The following SLC31A1 variants were observed in gnomAD, a reference collection of about 807,000 sequenced individuals.
The protein encoded by SLC31A1 is high affinity copper uptake protein 1.
Under a neutral mutation model 17.2 loss-of-function variants are expected in SLC31A1, and 5 were observed. That is an observed-to-expected ratio of 0.29 (90% CI 0.15 to 0.61). SLC31A1 has a LOEUF of 0.61. Among genes scored for constraint, SLC31A1 ranks in the 20% least tolerant of loss-of-function variants. SLC31A1 has a pLI of 0.86. For missense variants in SLC31A1, 161 were observed against 241.4 expected (o/e 0.67, Z 2.21); for synonymous variants, 76 against 78.8 (o/e 0.96, Z 0.19).
chr9:113,248,201 G>A (rs943009479), intron 1 of SLC31A1, among the ~76,000 whole-genome samples: 2 of 151,988 alleles, frequency 1.3e-5, no homozygotes, highest in South Asian at 4.1e-4. Flanking sequence ...GTGTGCACCT[G>A]TAGTCCCGGC....
intron 1 of SLC31A1, among the ~76,000 whole-genome samples, chr9:113,234,876 G>A (rs2118990060): frequency 6.6e-6 from 1 of 152,298 alleles, no homozygotes; most frequent in Admixed American, 6.5e-5. Context: ...ACTGTTGTGA[G>A]ATTTTTATCC....
chr9:113,225,604 C>G (rs1831331291), intron 1 of SLC31A1, among the ~76,000 whole-genome samples: 1 of 152,132 alleles, frequency 6.6e-6, no homozygotes, highest in Non-Finnish European at 1.5e-5. Context: ...ATTATAATCT[C>G]AATTTTGAAT....
At chr9:113,257,242 A>G in intron 3 of SLC31A1, 57 bp downstream of exon 3, 1 of 1,426,724 alleles carries the variant, frequency 7.0e-7, no homozygotes, top group Non-Finnish European at 9.9e-7. Flanking sequence ...GACAGTGACA[A>G]ATAATTTGGA....
chr9:113,256,842 C>T lies in SLC31A1; in HGVS notation c.130-271C>T, dbSNP rs1285748922. ...CGCCACTGCATTCCAGCCTGGGCTA[C>T]AGAGCGAGAATCCGTATCAAAAAAA... On this transcript the variant is annotated intron_variant, in intron 2 of 4. Transcript: ENST00000374212. Among the ~76,000 whole-genome samples, 6 of 137,806 alleles carry T rather than the reference C, an allele frequency of 4.4e-5. No individual in the cohort carries two copies. In the South Asian group the frequency reaches 9.3e-4, roughly 21 times the overall value. 90.4% of individuals were successfully genotyped at this position (137,806 alleles called of 152,430 possible). A position where few individuals can be genotyped will look rare whatever the true frequency, so the allele number is the denominator to read the frequency against.
chr9:113,254,715 A>G (rs1205843469), intron 1 of SLC31A1, among the ~76,000 whole-genome samples: 1 of 152,136 alleles, frequency 6.6e-6, no homozygotes, highest in Non-Finnish European at 1.5e-5. Context: ...CATGGCCAAC[A>G]TGGTGAAACC....
chr9:113,253,638 T>C (rs1030775633), intron 1 of SLC31A1, among the ~76,000 whole-genome samples: 1 of 146,258 alleles, frequency 6.8e-6, no homozygotes, highest in African/African-American at 2.5e-5. Context: ...CACCACAACC[T>C]CCGCCTCCCA....
At chr9:113,242,130 G>A (rs1478919259) in intron 1 of SLC31A1, among the ~76,000 whole-genome samples, 7 of 152,088 alleles carry the variant, frequency 4.6e-5, no homozygotes, top group Admixed American at 1.3e-4. Context: ...CGGAGCTTGC[G>A]GTGAGCTGAG....
intron 1 of SLC31A1, among the ~76,000 whole-genome samples, chr9:113,225,651 A>G (rs1831331790): frequency 6.6e-6 from 1 of 152,210 alleles, no homozygotes; most frequent in Non-Finnish European, 1.5e-5. Flanking sequence ...ATGTGAATAA[A>G]ATGAAATGAC....
At chr9:113,248,559 C>A (rs1831611006) in intron 1 of SLC31A1, among the ~76,000 whole-genome samples, 2 of 147,602 alleles carry the variant, frequency 1.4e-5, no homozygotes, top group Non-Finnish European at 3.0e-5. Context: ...AACATGGCCT[C>A]CCAGGTTCAA....
At chr9:113,242,942 A>G (rs942559690) in intron 1 of SLC31A1, among the ~76,000 whole-genome samples, 1 of 152,188 alleles carries the variant, frequency 6.6e-6, no homozygotes, top group African/African-American at 2.4e-5. Context: ...TTTTTCACAA[A>G]ACACATATTT....
chr9:113,239,472 C>G (rs1275848375), intron 1 of SLC31A1, among the ~76,000 whole-genome samples: 1 of 152,114 alleles, frequency 6.6e-6, no homozygotes, highest in African/African-American at 2.4e-5. Context: ...TTTTTTCCTT[C>G]TGTAAATCTG....
chr9:113,241,090 G>C (rs934643036), intron 1 of SLC31A1, among the ~76,000 whole-genome samples: 3 of 151,500 alleles, frequency 2.0e-5, no homozygotes, highest in African/African-American at 4.8e-5. Context: ...AAAGTGAGTA[G>C]GTCAGTTTCA....
At chr9:113,245,931 G>A (rs534431482) in intron 1 of SLC31A1, among the ~76,000 whole-genome samples, 2 of 151,946 alleles carry the variant, frequency 1.3e-5, no homozygotes, top group East Asian at 3.9e-4. Context: ...ACTGTACCCA[G>A]CTCTAAGTTC....
At chr9:113,238,178 G>A (rs1029733630) in intron 1 of SLC31A1, among the ~76,000 whole-genome samples, 3 of 152,258 alleles carry the variant, frequency 2.0e-5, no homozygotes, top group Middle Eastern at 3.4e-3. Context: ...GCTTCTCAAG[G>A]GGGTAGGACA....
intron 2 of SLC31A1, 29 bp from the exon 3 acceptor site, chr9:113,257,084 C>G (rs1237401789): frequency 1.9e-6 from 3 of 1,586,688 alleles, no homozygotes; most frequent in Non-Finnish European, 2.6e-6. Flanking sequence ...TCATTCATCT[C>G]TAACTGACTT....
intron 1 of SLC31A1, among the ~76,000 whole-genome samples, chr9:113,224,369 C>CCAGACTT (rs1357151985): frequency 6.6e-6 from 1 of 152,014 alleles, no homozygotes; most frequent in African/African-American, 2.4e-5. Flanking sequence ...AAATGTCCTT[C>CCAGACTT]CAGACTTTTC....
chr9:113,246,283 G>A (rs1587992863), intron 1 of SLC31A1, among the ~76,000 whole-genome samples: 2 of 152,082 alleles, frequency 1.3e-5, no homozygotes, highest in Admixed American at 6.6e-5. Flanking sequence ...GGGTTCAAGC[G>A]ATCTGCCTGC....
chr9:113,238,879 G>A (rs1439418434), intron 1 of SLC31A1, among the ~76,000 whole-genome samples: 1 of 152,200 alleles, frequency 6.6e-6, no homozygotes, highest in Non-Finnish European at 1.5e-5. Flanking sequence ...TGTTGAAGGT[G>A]TATAGTATAG....
chr9:113,260,299 C>T lies in SLC31A1; in HGVS notation c.399C>T (p.Leu133=). The T allele has an allele frequency of 6.2e-7, 1 of 1,614,142 alleles. No homozygotes were observed. Among genetic ancestry groups the T allele is most frequent in the Non-Finnish European group, 8.5e-7 (1 of 1,180,010 alleles). ...AACAGATGCTGAGCTTTCCTCACCT[C>T]CTGCAAACAGTGCTGCACATCATCC... ...VGQQMLSFPH[L]LQTVLHIIQV... is the part of the protein sequence containing the mutation. The change falls in exon 5 of 5, where the codon CTC becomes CTT. Residue 133 remains leucine (L), a synonymous_variant. Coordinates refer to ENST00000374212, the MANE Select transcript of SLC31A1 (RefSeq NM_001859.4).
Sources: gnomAD v4.1 joint callset for allele counts (sites outside exome capture counted in the v4.1 genomes callset) on GRCh38, gnomAD v4.1.1 for gene constraint, MANE v1.5 for transcripts, NCBI Gene and HGNC (gene_info 2026-07-23, HGNC 2026-07-21) for gene names.